The following SPATA7 variants were observed in gnomAD, a reference collection of about 807,000 sequenced individuals.
The protein encoded by SPATA7 is spermatogenesis associated 7.
SPATA7 carries 43 observed loss-of-function variants against 51.8 expected under a neutral mutation model. The observed-to-expected ratio is 0.83, with a 90% CI of 0.65 to 1.07. The LOEUF is 1.07. Ranked by LOEUF, SPATA7 falls within the 50% of genes least tolerant of loss-of-function variation. The pLI, the probability that SPATA7 is intolerant of heterozygous loss-of-function variation, is 0.00. For synonymous variants in SPATA7, 230 were observed against 252.8 expected, an observed-to-expected ratio of 0.91 and a Z score of 0.86; for missense variants, 683 against 701.3, an observed-to-expected ratio of 0.97 and a Z score of 0.30.
chr14:88,426,610 T>A lies in SPATA7; in HGVS notation c.751T>A (p.Ser251Thr). ...TPRTLKTEAK[S>T]FLSQYRYYTP... ...TCGCACTTTAAAAACAGAAGCAAAA[T>A]CTTTCCTGTCACAGTATCGCTATTA... The change falls in exon 6 of 12, where the codon TCT becomes ACT. Residue 251 changes from serine (S) to threonine (T), a missense_variant. Ser to Thr is a moderately conservative substitution (Grantham distance 58). Coordinates refer to ENST00000393545, the MANE Select transcript of SPATA7 (RefSeq NM_018418.5). 6.2e-7 allele frequency: 1 copy of A among 1,614,000 alleles called. No individual in the cohort carries two copies. Among genetic ancestry groups the A allele is most frequent in the Middle Eastern group, 1.6e-4 (1 of 6,062 alleles).
At chr14:88,465,721 C>T (rs1353977958) in intron 4 of SPATA7, 2 of 152,120 alleles carry the variant, frequency 1.3e-5, no homozygotes, top group South Asian at 2.1e-4. Flanking sequence ...GGCAGTAAAC[C>T]TATGAACCCT....
Position 88,438,304 on chromosome 14 carries a change from C to T in SPATA7, c.1682C>T (p.Thr561Ile). 6.2e-7 allele frequency: 1 copy of T among 1,614,002 alleles called. No individual in the cohort carries two copies. Among genetic ancestry groups the T allele is most frequent in the South Asian group, 1.1e-5 (1 of 91,060 alleles). Reference sequence around the variant, plus strand: ...TCAAATGGATTATGTGGTCTTAACACATCACCCTCCCAATCTGTTCAGTTC... The same window carrying T: ...TCAAATGGATTATGTGGTCTTAACATATCACCCTCCCAATCTGTTCAGTTC... ...EISNGLCGLN[T>I]SPSQSVQFSS... is the part of the protein sequence containing the mutation. Residue 561 changes from threonine to isoleucine, a missense_variant, in exon 12 of 12, where the codon ACA (threonine) becomes ATA (isoleucine). Thr to Ile is a moderately conservative substitution (Grantham distance 89). Transcript: ENST00000393545.
intron 4 of SPATA7, 49 bp from the exon 5 acceptor site, chr14:88,416,662 C>G: frequency 6.3e-7 from 1 of 1,599,940 alleles, no homozygotes; most frequent in Non-Finnish European, 8.5e-7. Context: ...ACCAAAAAAC[C>G]AATTTTCTAT....
At chr14:88,431,328 T>C (rs879054724) in intron 9 of SPATA7, 103 bp downstream of exon 9, 2 of 1,129,610 alleles carry the variant, frequency 1.8e-6, no homozygotes, top group East Asian at 4.7e-5. Context: ...TCTCTTTTTT[T>C]AAAACTGGCA....
At chr14:88,411,093 C>T (rs1428004786) in intron 4 of SPATA7, among the ~76,000 whole-genome samples, 1 of 152,216 alleles carries the variant, frequency 6.6e-6, no homozygotes, top group Non-Finnish European at 1.5e-5. Context: ...TCTAGAGAGG[C>T]AGTCTGGCTA....
Position 88,438,046 on chromosome 14 carries a change from T to C in SPATA7, c.1424T>C (p.Leu475Ser). ...QQYQKALDML[L>S]SAPKDENEIF... ...TACCAAAAGGCTTTGGATATGTTAT[T>C]GTCGGCACCAAAGGATGAGAACGAG... is the stretch of plus-strand genomic sequence containing the variant. The change falls in exon 12 of 12, where the codon TTG becomes TCG. Residue 475 changes from leucine to serine, a missense_variant. Leu to Ser is a moderately radical substitution (Grantham distance 145). Coordinates refer to ENST00000393545, the MANE Select transcript of SPATA7 (RefSeq NM_018418.5). The C allele has an allele frequency of 6.2e-7, 1 of 1,614,160 alleles. No homozygotes were observed. The highest frequency in any genetic ancestry group is 8.5e-7 in the Non-Finnish European group (1 of 1,180,020).
chr14:88,440,460 T>A (rs930460633), downstream of SPATA7, among the ~76,000 whole-genome samples: 2 of 152,212 alleles, frequency 1.3e-5, no homozygotes, highest in African/African-American at 2.4e-5. Flanking sequence ...GTGGCAAAAG[T>A]ATTATAGTAT....
In SPATA7 at chr14:88,437,462, A is replaced by G. The variant is rs188555511; in HGVS notation, c.1161-81A>G. On this transcript the variant is annotated intron_variant, in intron 10 of 11. Coordinates refer to ENST00000393545, the MANE Select transcript of SPATA7 (RefSeq NM_018418.5). ...CTGAAAAACATTTTTCAACCTTTGT[A>G]GTTTCAGTGTTACGTAGCTAGTTTA... 50 of 945,216 alleles carry G rather than the reference A, an allele frequency of 5.3e-5. No homozygotes were observed. The African/African-American group carries it at 6.7e-4, about 13-fold the overall frequency. 58.6% of individuals were successfully genotyped at this position (945,216 alleles called of 1,614,324 possible).
chr14:88,448,380 A>G (rs1448875430), intron 3 of SPATA7, among the ~76,000 whole-genome samples: 3 of 152,248 alleles, frequency 2.0e-5, no homozygotes, highest in East Asian at 3.9e-4. Context: ...CTAGTTATAC[A>G]TTCTTCTAAA....
At position 88,385,716 on chromosome 14, in the gene SPATA7, C is replaced by T. The variant is rs1363129591; in HGVS notation, c.-103C>T. The T allele has an allele frequency of 3.5e-6, 4 of 1,137,142 alleles. No individual in the cohort carries two copies. Among genetic ancestry groups the T allele is most frequent in the Non-Finnish European group, 3.9e-6 (3 of 769,318 alleles). The allele number at this position is 1,137,142 out of a possible 1,614,324, so 70.4% of individuals were successfully genotyped here. On this transcript the variant is annotated 5_prime_UTR_variant, in exon 1 of 12. Coordinates refer to ENST00000393545, the MANE Select transcript of SPATA7 (RefSeq NM_018418.5). ...GTTTCCCTGCTGCTGCAGCCCCCGT[C>T]GGCTCCTCTTTTCCAGTCCTCCACT...
intron 3 of SPATA7, among the ~76,000 whole-genome samples, chr14:88,448,007 A>G (rs900798873): frequency 2.0e-5 from 3 of 151,612 alleles, no homozygotes; most frequent in South Asian, 2.1e-4. Context: ...CGTTCTCTGT[A>G]TTTCCTGAAT....
intron 4 of SPATA7, among the ~76,000 whole-genome samples, chr14:88,411,507 C>T (rs990590835): frequency 6.6e-6 from 1 of 152,146 alleles, no homozygotes; most frequent in African/African-American, 2.4e-5. Context: ...GTGTAGGCAC[C>T]TGAGGGAATC....
At chr14:88,459,805 A>G (rs2077305648), downstream of SPATA7, among the ~76,000 whole-genome samples, 1 of 152,186 alleles carries the variant, frequency 6.6e-6, no homozygotes, top group African/African-American at 2.4e-5. Flanking sequence ...GTTTCTTCCT[A>G]GCATTGATGG....
intron 4 of SPATA7, among the ~76,000 whole-genome samples, chr14:88,403,455 T>C (rs2076123062): frequency 6.6e-6 from 1 of 152,054 alleles, no homozygotes; most frequent in South Asian, 2.1e-4. Context: ...GAAAATGTGG[T>C]ATGTGTATAA....
chr14:88,429,890 CTATT>C (rs57390600), intron 8 of SPATA7, among the ~76,000 whole-genome samples: 76 of 143,558 alleles, frequency 5.3e-4, no homozygotes, highest in South Asian at 1.6e-3. Context: ...TATGAAGACA[CTATT>C]TATTTATTTA....
chr14:88,420,208 T>A (rs1332186681), intron 5 of SPATA7, among the ~76,000 whole-genome samples: 3 of 152,142 alleles, frequency 2.0e-5, no homozygotes, highest in African/African-American at 7.2e-5. Flanking sequence ...GTAGGTTTCC[T>A]GGAGGAAAAG....
chr14:88,436,410 T>C (rs2077088670), intron 10 of SPATA7, among the ~76,000 whole-genome samples: 1 of 152,166 alleles, frequency 6.6e-6, no homozygotes. Flanking sequence ...TCCTTTGCTG[T>C]GTGGAAGCTT....
At chr14:88,407,108 T>A (rs1192562095) in intron 4 of SPATA7, among the ~76,000 whole-genome samples, 2 of 152,164 alleles carry the variant, frequency 1.3e-5, no homozygotes, top group Non-Finnish European at 2.9e-5. Context: ...GTAGAATGAG[T>A]TATAATCCTT....
At chr14:88,453,846 G>A (rs1432804778) in intron 3 of SPATA7, among the ~76,000 whole-genome samples, 2 of 152,122 alleles carry the variant, frequency 1.3e-5, no homozygotes, top group African/African-American at 4.8e-5. Flanking sequence ...TATCCTAAAA[G>A]AACAAATCCA....
Sources: allele counts gnomAD v4.1 joint callset (sites outside exome capture counted in the v4.1 genomes callset), GRCh38; gene constraint gnomAD v4.1.1; transcripts MANE v1.5; gene names NCBI Gene and HGNC (gene_info 2026-07-23, HGNC 2026-07-21).